Variants in GALK2 observed in about 807,000 individuals in gnomAD.
GALK2 encodes galactokinase 2.
A neutral mutation model predicts 52.4 loss-of-function variants in GALK2; 36 were observed. The observed-to-expected ratio is 0.69, with a 90% CI of 0.53 to 0.91. The LOEUF (loss-of-function observed/expected upper bound fraction) is 0.91, where lower values mean the gene tolerates loss of function less well. Among genes scored for constraint, GALK2 ranks in the 40% least tolerant of loss-of-function variants. The pLI is 0.00. For missense variants in GALK2, 579 were observed against 559.1 expected (o/e 1.04, Z -0.36); for synonymous variants, 176 against 199.1 (o/e 0.88, Z 0.98).
At position 49,216,754 on chromosome 15, in the gene GALK2, TCTG is replaced by T. The variant is rs2089412373; in HGVS notation, c.143-432_143-430del. 2.0e-5 allele frequency among the ~76,000 whole-genome samples: 3 copies of T among 152,322 alleles called. No homozygotes were observed. The South Asian group carries it at 6.2e-4, about 32-fold the overall frequency. ...CCCCCTCCTTGGGTGCTAGCAGAGT[TCTG>T]CTGTTTTGTGTTTTTCTGTAACATG... On this transcript the variant is annotated intron_variant, in intron 2 of 9. Transcript: ENST00000560031.
In GALK2 at chr15:49,156,044, T is replaced by G. The variant is rs983172246; in HGVS notation, c.20+28T>G. 1.9e-6 allele frequency: 3 copies of G among 1,612,786 alleles called. No individual in the cohort carries two copies. In the Admixed American group the frequency reaches 5.0e-5, roughly 27 times the overall value. On this transcript the variant is annotated intron_variant, in intron 1 of 9. Coordinates refer to the GALK2 transcript ENST00000327171. ...ATTATTTCTGCTATCATTGTACGTG[T>G]GCATTTAGCCCACACATTGCGGTGG... is the stretch of plus-strand genomic sequence containing the variant.
Position 49,328,323 on chromosome 15 carries a change from C to T in GALK2, c.*164C>T, listed in dbSNP as rs1449358204. ...AAATGGTTGAAAGCTCTCTATGCTT[C>T]ATAATGATTCTTTTTCCATCTTAAA... is the stretch of plus-strand genomic sequence containing the variant. On this transcript the variant is annotated 3_prime_UTR_variant, in exon 10 of 10. Coordinates refer to ENST00000560031, the MANE Select transcript of GALK2 (RefSeq NM_002044.4). The T allele has an allele frequency of 7.0e-7, 1 of 1,431,092 alleles. No homozygotes were observed. The highest frequency in any genetic ancestry group is 9.1e-7 in the Non-Finnish European group (1 of 1,096,560). 88.6% of individuals were successfully genotyped at this position (1,431,092 alleles called of 1,614,324 possible).
At chr15:49,307,588 G>C (rs1182585791) in intron 8 of GALK2, among the ~76,000 whole-genome samples, 1 of 152,286 alleles carries the variant, frequency 6.6e-6, no homozygotes, top group Admixed American at 6.5e-5. Flanking sequence ...TATGACCCTG[G>C]AGTTATTTAC....
At chr15:49,183,243 T>A (rs970466184) in intron 1 of GALK2, among the ~76,000 whole-genome samples, 3 of 152,146 alleles carry the variant, frequency 2.0e-5, no homozygotes, top group Non-Finnish European at 4.4e-5. Context: ...CATGTTTAGA[T>A]GCATCATTAG....
intron 5 of GALK2, among the ~76,000 whole-genome samples, chr15:49,267,523 C>T (rs2092400656): frequency 6.6e-6 from 1 of 152,118 alleles, no homozygotes; most frequent in African/African-American, 2.4e-5. Context: ...AATACCAATC[C>T]CTTCAATAAT....
intron 1 of GALK2, among the ~76,000 whole-genome samples, chr15:49,188,987 T>C (rs999088775): frequency 1.3e-5 from 2 of 152,202 alleles, no homozygotes; most frequent in African/African-American, 4.8e-5. Flanking sequence ...CTTAAGGTTC[T>C]TTTTCTTGTA....
chr15:49,329,381 G>A lies in GALK2; in HGVS notation c.*1222G>A, dbSNP rs1033854389. The A allele has an allele frequency of 7.1e-6, 7 of 985,200 alleles. No individual in the cohort carries two copies. The highest frequency in any genetic ancestry group is 8.4e-6 in the Non-Finnish European group (7 of 829,884). 61.0% of individuals were successfully genotyped at this position (985,200 alleles called of 1,614,324 possible). A position where few individuals can be genotyped will look rare whatever the true frequency, so the allele number is the denominator to read the frequency against. ...TTTGCTGAAATACTCAGGTAATTGA[G>A]ATAGCAATGGTTTTATGGCATGAAT... On this transcript the variant is annotated 3_prime_UTR_variant, in exon 10 of 10. Transcript: ENST00000560031.
chr15:49,278,335 A>G, intron 5 of GALK2, among the ~76,000 whole-genome samples: 1 of 152,176 alleles, frequency 6.6e-6, no homozygotes, highest in Non-Finnish European at 1.5e-5. Context: ...TTACTCCTTA[A>G]TGTTGAATTG....
intron 3 of GALK2, among the ~76,000 whole-genome samples, chr15:49,338,669 G>T (rs191132769): frequency 0.032 from 3,385 of 105,968 alleles, 103 homozygotes; most frequent in South Asian, 0.11. Flanking sequence ...TTGAATGTTG[G>T]CCTGCCTTGC....
intron 3 of GALK2, chr15:49,353,880 T>G (rs1454090237): frequency 1.3e-5 from 2 of 152,194 alleles, no homozygotes; most frequent in African/African-American, 4.8e-5. Context: ...GTCAATGACT[T>G]GAAATGAAAA....
chr15:49,260,924 A>C (rs938154139), intron 5 of GALK2, among the ~76,000 whole-genome samples: 3 of 152,036 alleles, frequency 2.0e-5, no homozygotes, highest in East Asian at 1.9e-4. Flanking sequence ...CCATTGATCT[A>C]TATCTCTGTT....
chr15:49,207,130 G>C (rs1374895005), intron 2 of GALK2, among the ~76,000 whole-genome samples: 1 of 152,122 alleles, frequency 6.6e-6, no homozygotes, highest in African/African-American at 2.4e-5. Flanking sequence ...TTTATGTGGT[G>C]TATCACATTT....
Position 49,300,650 on chromosome 15 carries a change from T to A in GALK2, c.967+8113T>A, listed in dbSNP as rs1325316652. 2.6e-5 allele frequency among the ~76,000 whole-genome samples: 4 copies of A among 152,116 alleles called. No homozygotes were observed. In the East Asian group the frequency reaches 7.7e-4, roughly 29 times the overall value. On this transcript the variant is annotated intron_variant, in intron 8 of 9. Transcript: ENST00000560031. ...ATCACGGTGCCAGTTATCCCCATGC[T>A]GCTGTTTTCATGATTGTGAGTGAGT...
At chr15:49,210,969 A>T (rs1367971629) in intron 2 of GALK2, among the ~76,000 whole-genome samples, 7 of 100,396 alleles carry the variant, frequency 7.0e-5, no homozygotes, top group African/African-American at 1.7e-4. Flanking sequence ...ACACACACAC[A>T]CACTCACACA....
intron 1 of GALK2, chr15:49,170,579 T>C: frequency 1.8e-6 from 1 of 565,120 alleles, no homozygotes; most frequent in Non-Finnish European, 3.2e-6. Flanking sequence ...CTACGAAGGG[T>C]TGTATGTTTT....
chr15:49,177,641 C>T (rs1003821019), intron 1 of GALK2: 3 of 236,172 alleles, frequency 1.3e-5, no homozygotes, highest in Non-Finnish European at 8.3e-6. Context: ...GTGCCTTTTC[C>T]AAGATGCACA....
In GALK2 at chr15:49,329,411, C is replaced by A. The variant is rs2038169613; in HGVS notation, c.*1252C>A. ...CAATGGTTTTATGGCATGAATTATC[C>A]AAAAAAATATCAGAATTACTTATTA... is the stretch of plus-strand genomic sequence containing the variant. On this transcript the variant is annotated 3_prime_UTR_variant, in exon 10 of 10. Transcript: ENST00000560031. 1.0e-6 allele frequency: 1 copy of A among 984,694 alleles called. No homozygotes were observed. Among genetic ancestry groups the A allele is most frequent in the African/African-American group, 1.7e-5 (1 of 57,164 alleles). The allele number at this position is 984,694 out of a possible 1,614,324, so 61.0% of individuals were successfully genotyped here.
At chr15:49,279,620 A>G (rs1182430483) in intron 5 of GALK2, among the ~76,000 whole-genome samples, 1 of 152,198 alleles carries the variant, frequency 6.6e-6, no homozygotes, top group East Asian at 1.9e-4. Flanking sequence ...AAAAGAAATA[A>G]TGCAAGGTAC....
At chr15:49,306,202 A>T (rs1014822985) in intron 8 of GALK2, among the ~76,000 whole-genome samples, 1 of 151,766 alleles carries the variant, frequency 6.6e-6, no homozygotes, top group Non-Finnish European at 1.5e-5. Flanking sequence ...AACTCCGGAC[A>T]ACAGCCTATG....
Sources: gnomAD v4.1 joint callset for allele counts (sites outside exome capture counted in the v4.1 genomes callset) on GRCh38, gnomAD v4.1.1 for gene constraint, MANE v1.5 for transcripts, NCBI Gene and HGNC (gene_info 2026-07-23, HGNC 2026-07-21) for gene names.